The following PPFIA4 variants were observed in gnomAD, a reference collection of about 807,000 sequenced individuals.
PPFIA4 encodes the protein PPFI scaffold protein A4.
PPFIA4 carries 98 observed loss-of-function variants against 145.7 expected under a neutral mutation model. The ratio of observed to expected loss-of-function variants is 0.67; its 90% CI spans 0.57 to 0.80. The LOEUF is 0.80. PPFIA4 is among the 30% of genes least tolerant of loss of function. PPFIA4 has a pLI of 0.00. For synonymous variants in PPFIA4, 628 were observed against 649.6 expected, an observed-to-expected ratio of 0.97 and a Z score of 0.51; for missense variants, 1,457 against 1,632.7, an observed-to-expected ratio of 0.89 and a Z score of 1.85.
Position 203,056,169 on chromosome 1 carries a change from G to T in PPFIA4, c.2106+14G>T. 1 of 1,613,898 alleles carries T rather than the reference G, an allele frequency of 6.2e-7. No individual in the cohort carries two copies. The highest frequency in any genetic ancestry group is 8.5e-7 in the Non-Finnish European group (1 of 1,179,848). On this transcript the variant is annotated intron_variant, in intron 17 of 29. Coordinates refer to ENST00000295706, the MANE Select transcript of PPFIA4 (RefSeq NM_001304331.2). ...AGGAAGCTGCTGGTGAGTGCTGCCT[G>T]ATGGCCCAGGTACTAACGGGTTCAC...
chr1:203,059,889 A>C (rs2270546), intron 21 of PPFIA4, 38 bp downstream of exon 21: 514,386 of 1,533,932 alleles, frequency 0.34, 88,226 homozygotes, highest in Non-Finnish European at 0.35. Flanking sequence ...AGGGGTCTGG[A>C]GGGAAGGATG....
chr1:203,052,845 A>G (rs1464225135), intron 14 of PPFIA4, among the ~76,000 whole-genome samples: 2 of 152,214 alleles, frequency 1.3e-5, no homozygotes, highest in Non-Finnish European at 2.9e-5. Context: ...GCCGCCTCTC[A>G]GGGTTGACCA....
intron 19 of PPFIA4, among the ~76,000 whole-genome samples, chr1:203,058,012 G>A (rs1661092821): frequency 6.6e-6 from 1 of 152,192 alleles, no homozygotes; most frequent in Admixed American, 6.5e-5. Flanking sequence ...CAGCTAGGCT[G>A]GGGCCAGCTG....
intron 1 of PPFIA4, among the ~76,000 whole-genome samples, chr1:203,032,830 G>A (rs1401565437): frequency 6.6e-6 from 1 of 152,138 alleles, no homozygotes; most frequent in Non-Finnish European, 1.5e-5. Flanking sequence ...GTGTTCTGGT[G>A]TGATTGTTAA....
Position 203,044,364 on chromosome 1 carries a change from C to T in PPFIA4, c.502-15C>T. On this transcript the variant is annotated splice_polypyrimidine_tract_variant and intron_variant, in intron 4 of 29. Transcript: ENST00000295706. ...GGTCCCCCTTTCTTCCTCCATCTCC[C>T]CTTACCTCGAGCAGGTGCGAGAGCG... The T allele has an allele frequency of 6.4e-7, 1 of 1,550,434 alleles. No homozygotes were observed. Among genetic ancestry groups the T allele is most frequent in the Non-Finnish European group, 8.7e-7 (1 of 1,146,768 alleles).
chr1:203,042,058 A>G (rs1659730603), intron 2 of PPFIA4, among the ~76,000 whole-genome samples: 1 of 152,072 alleles, frequency 6.6e-6, no homozygotes, highest in South Asian at 2.1e-4. Context: ...ATCTGGAGTG[A>G]TGAGAGGGGA....
chr1:203,056,548 AG>A (rs1279663714), intron 18 of PPFIA4, 40 bp downstream of exon 18: 34 of 1,601,902 alleles, frequency 2.1e-5, no homozygotes, highest in Middle Eastern at 3.3e-4. Flanking sequence ...CTCCATCCAC[AG>A]GGTCCTCTCC....
chr1:203,039,262 G>A lies in PPFIA4; in HGVS notation c.234+20G>A, dbSNP rs1422223623. The A allele has an allele frequency of 5.2e-6, 8 of 1,536,406 alleles. No individual in the cohort carries two copies. Among genetic ancestry groups the A allele is most frequent in the East Asian group, 4.8e-5 (2 of 41,490 alleles). ...CCCCAGGTAAGGCCCGAAGGCCTGC[G>A]TCTCTCTTAACCCCTTTCCCTCCTC... On this transcript the variant is annotated intron_variant, in intron 2 of 29. Coordinates refer to ENST00000295706, the MANE Select transcript of PPFIA4 (RefSeq NM_001304331.2).
At chr1:203,071,221 G>A (rs890240270) in intron 27 of PPFIA4, among the ~76,000 whole-genome samples, 3 of 146,704 alleles carry the variant, frequency 2.0e-5, no homozygotes, top group Admixed American at 6.8e-5. Context: ...CCAGGCTGGA[G>A]TGCAGTAGTG....
intron 1 of PPFIA4, among the ~76,000 whole-genome samples, chr1:203,031,646 G>C (rs747048473): frequency 3.9e-5 from 6 of 152,182 alleles, no homozygotes; most frequent in Admixed American, 6.5e-5. Context: ...GTTGATCTAC[G>C]AATGCAGTGA....
rs371306122 is a variant in PPFIA4, at chr1:203,045,828, C to T, written c.859-13C>T. 357 of 1,612,800 alleles carry T rather than the reference C, an allele frequency of 2.2e-4. No individual in the cohort carries two copies. Among genetic ancestry groups the T allele is most frequent in the Middle Eastern group, 5.0e-4 (3 of 6,058 alleles). The stretch of plus-strand genomic sequence containing the variant: ...AGGCTGGTTACCGTCCTTCTTGTCC[C>T]CTCTTCTCCCAGGCTCTGGCCCAGA... On this transcript the variant is annotated splice_polypyrimidine_tract_variant and intron_variant, in intron 7 of 29. Coordinates refer to ENST00000295706, the MANE Select transcript of PPFIA4 (RefSeq NM_001304331.2).
At chr1:203,051,925 C>T (rs1322397411) in intron 14 of PPFIA4, 48 bp downstream of exon 14, 36 of 1,582,638 alleles carry the variant, frequency 2.3e-5, no homozygotes, top group African/African-American at 1.1e-4. Context: ...TCAATTCGGC[C>T]GCGTGCCTGG....
chr1:203,032,426 C>CCTTTTTTTTTTT (rs1553253604), intron 1 of PPFIA4, among the ~76,000 whole-genome samples: 2 of 59,484 alleles, frequency 3.4e-5, no homozygotes, highest in Non-Finnish European at 7.3e-5. Context: ...CCCTTCCCCG[C>CCTTTTTTTTTTT]TTTTTTGTTG....
At chr1:203,049,455 C>T (rs1660335596) in intron 12 of PPFIA4, among the ~76,000 whole-genome samples, 1 of 152,178 alleles carries the variant, frequency 6.6e-6, no homozygotes, top group Non-Finnish European at 1.5e-5. Context: ...CCCCTCCTGG[C>T]CCTGCCCCTG....
chr1:203,059,187 C>G lies in PPFIA4; in HGVS notation c.2417C>G (p.Thr806Arg). ...RDGATGHVLL[T>R]DSEFSMQEPM... ...ATCTCTTTCCTTGTAGTTCTGCTAA[C>G]AGACTCCGAATTCAGTATGCAGGAG... The change falls in exon 20 of 30, where the codon ACA becomes AGA. Residue 806 changes from threonine (T) to arginine (R), a missense_variant. Thr to Arg is a moderately conservative substitution (Grantham distance 71). Around this residue, in one of 3 missense-constraint regions of PPFIA4, gnomAD observed 848 missense variants for 1,046.7 expected, o/e 0.81. Transcript: ENST00000295706. The G allele has an allele frequency of 6.5e-7, 1 of 1,526,826 alleles. No homozygotes were observed. Among genetic ancestry groups the G allele is most frequent in the Non-Finnish European group, 8.9e-7 (1 of 1,118,702 alleles). 94.6% of individuals were successfully genotyped at this position (1,526,826 alleles called of 1,614,324 possible).
At chr1:203,031,880 G>C (rs186121842) in intron 1 of PPFIA4, among the ~76,000 whole-genome samples, 30 of 152,310 alleles carry the variant, frequency 2.0e-4, no homozygotes, top group Admixed American at 1.8e-3. Flanking sequence ...TTCAGCAAAA[G>C]CTGTGTCTGT....
At chr1:203,035,224 C>G (rs1571660453) in intron 1 of PPFIA4, 1 of 453,358 alleles carries the variant, frequency 2.2e-6, no homozygotes, top group East Asian at 7.0e-5. Context: ...TGAATAGCCC[C>G]TCAGACGCTC....
intron 28 of PPFIA4, among the ~76,000 whole-genome samples, chr1:203,072,198 G>A (rs1662218684): frequency 6.6e-6 from 1 of 152,184 alleles, no homozygotes. Context: ...AGGAGTGTGG[G>A]TGTGTGGAGG....
Position 203,060,146 on chromosome 1 carries a change from C to G in PPFIA4, c.2584-71C>G, listed in dbSNP as rs1203804807. 1 of 1,498,564 alleles carries G rather than the reference C, an allele frequency of 6.7e-7. No homozygotes were observed. The highest frequency in any genetic ancestry group is 9.1e-7 in the Non-Finnish European group (1 of 1,092,932). 92.8% of individuals were successfully genotyped at this position (1,498,564 alleles called of 1,614,324 possible). On this transcript the variant is annotated intron_variant, in intron 21 of 29. Transcript: ENST00000295706. The surrounding 1 kb of genome is among the most constrained non-coding windows in gnomAD (Gnocchi z 4.8). ...CCGTGGATGAGGCCTGGCCCTTGCC[C>G]CTTGCTGTTGCCAAACTCTTGGTGG...
Sources: gnomAD v4.1 joint callset for allele counts (sites outside exome capture counted in the v4.1 genomes callset) on GRCh38, gnomAD v4.1.1 for gene constraint, gnomAD v4.1.1 regional missense constraint, Gnocchi (gnomAD v3.1) non-coding constraint, MANE v1.5 for transcripts, NCBI Gene and HGNC (gene_info 2026-07-23, HGNC 2026-07-21) for gene names.